Variants in TTLL5 observed in about 807,000 individuals in gnomAD.
TTLL5 encodes tubulin polyglutamylase TTLL5.
Under a neutral mutation model 168.4 loss-of-function variants are expected in TTLL5, and 132 were observed. That is an observed-to-expected ratio of 0.78 (90% CI 0.68 to 0.91). The LOEUF is 0.91. Among genes scored for constraint, TTLL5 ranks in the 40% least tolerant of loss-of-function variants. TTLL5 has a pLI of 0.00. For synonymous variants in TTLL5, 546 were observed against 558.6 expected, an observed-to-expected ratio of 0.98 and a Z score of 0.32; for missense variants, 1,545 against 1,581.5, an observed-to-expected ratio of 0.98 and a Z score of 0.39.
intron 29 of TTLL5, among the ~76,000 whole-genome samples, chr14:75,879,156 C>T (rs941936385): frequency 2.0e-5 from 3 of 152,152 alleles, no homozygotes; most frequent in East Asian, 3.8e-4. Flanking sequence ...AAAGTACACA[C>T]GTAAGTGGCT....
chr14:75,891,514 G>C (rs1480911818), intron 30 of TTLL5, among the ~76,000 whole-genome samples: 1 of 152,178 alleles, frequency 6.6e-6, no homozygotes, highest in Non-Finnish European at 1.5e-5. Flanking sequence ...AGACAGATCA[G>C]ATCTCTGCTT....
chr14:75,717,764 A>G, intron 9 of TTLL5, 97 bp from the exon 10 acceptor site: 1 of 1,151,428 alleles, frequency 8.7e-7, no homozygotes. Context: ...AGGTAATGAT[A>G]TTACCCTCCT....
chr14:75,682,478 T>C (rs1884695999), intron 4 of TTLL5, among the ~76,000 whole-genome samples: 1 of 152,142 alleles, frequency 6.6e-6, no homozygotes, highest in African/African-American at 2.4e-5. Flanking sequence ...CATTGTCCTT[T>C]TGTCTTTCCT....
intron 29 of TTLL5, among the ~76,000 whole-genome samples, chr14:75,875,420 G>A (rs373061887): frequency 6.0e-5 from 9 of 150,650 alleles, no homozygotes; most frequent in African/African-American, 1.9e-4. Context: ...GTGGTGGCAC[G>A]TGCCTGTAAT....
At position 75,926,129 on chromosome 14, in the gene TTLL5, T is replaced by C. The variant is rs1044293136; in HGVS notation, c.3823+23905T>C. Among the ~76,000 whole-genome samples the C allele has an allele frequency of 3.5e-4, 52 of 149,296 alleles. 1 individual carries two copies. Among genetic ancestry groups the C allele is most frequent in the African/African-American group, 1.2e-3 (47 of 39,788 alleles). ...GGGAGAGGGAGAACTTGTCTATGTA[T>C]TTTAAAGACTAGGATTGCAACCCCA... is the stretch of plus-strand genomic sequence containing the variant. On this transcript the variant is annotated intron_variant, in intron 31 of 31. Coordinates refer to ENST00000298832, the MANE Select transcript of TTLL5 (RefSeq NM_015072.5).
intron 9 of TTLL5, among the ~76,000 whole-genome samples, chr14:75,717,172 T>C (rs994489674): frequency 6.6e-6 from 1 of 152,088 alleles, no homozygotes; most frequent in Non-Finnish European, 1.5e-5. Context: ...TGGAGTGTAG[T>C]GGTGCGATCA....
intron 15 of TTLL5, among the ~76,000 whole-genome samples, chr14:75,739,504 C>T (rs996325705): frequency 1.3e-5 from 2 of 152,140 alleles, no homozygotes; most frequent in Admixed American, 6.5e-5. Flanking sequence ...TGCCCTTTTT[C>T]TGCCTTTTCC....
At chr14:75,928,342 C>CATATATAT (rs3034073) in intron 31 of TTLL5, among the ~76,000 whole-genome samples, 10,755 of 81,796 alleles carry the variant, frequency 0.13, 1,346 homozygotes, top group Non-Finnish European at 0.17. Flanking sequence ...ATGACAAAAA[C>CATATATAT]ATATATATAT....
intron 28 of TTLL5, among the ~76,000 whole-genome samples, chr14:75,843,129 G>GAAA (rs1180508225): frequency 6.6e-6 from 1 of 152,204 alleles, no homozygotes; most frequent in African/African-American, 2.4e-5. Flanking sequence ...GAAAGGAGTT[G>GAAA]AGAACCTCCT....
chr14:75,709,478 A>C, intron 9 of TTLL5: 1 of 384,408 alleles, frequency 2.6e-6, no homozygotes. Flanking sequence ...GGAACATTGG[A>C]GACTACCAAA....
chr14:75,797,036 T>A (rs2140359276), intron 27 of TTLL5, among the ~76,000 whole-genome samples: 1 of 152,334 alleles, frequency 6.6e-6, no homozygotes, highest in South Asian at 2.1e-4. Context: ...CAATATTGAT[T>A]CTACCCATCC....
intron 31 of TTLL5, among the ~76,000 whole-genome samples, chr14:75,946,252 A>C (rs1235250518): frequency 6.6e-6 from 1 of 152,242 alleles, no homozygotes; most frequent in Non-Finnish European, 1.5e-5. Flanking sequence ...CAAGGAGAGC[A>C]GATGTTCAAA....
At position 75,861,278 on chromosome 14, in the gene TTLL5, G is replaced by A. The variant is rs141926353; in HGVS notation, c.3327-2389G>A. Among the ~76,000 whole-genome samples the A allele has an allele frequency of 1.5e-3, 235 of 152,232 alleles. 1 individual carries two copies. The highest frequency in any genetic ancestry group is 5.2e-3 in the African/African-American group (218 of 41,552). ...AGAAAGCCGAAAGAATACAGTTCAC[G>A]GACTTACCCTTAACGAGAGATTTGG... On this transcript the variant is annotated intron_variant, in intron 28 of 31. Coordinates refer to ENST00000298832, the MANE Select transcript of TTLL5 (RefSeq NM_015072.5).
chr14:75,832,522 G>A (rs185118085), intron 28 of TTLL5, among the ~76,000 whole-genome samples: 1 of 152,182 alleles, frequency 6.6e-6, no homozygotes, highest in African/African-American at 2.4e-5. Context: ...ACCTGACTTG[G>A]GGCAAATCAT....
At chr14:75,800,197 G>T (rs1893214004) in intron 27 of TTLL5, among the ~76,000 whole-genome samples, 1 of 152,084 alleles carries the variant, frequency 6.6e-6, no homozygotes, top group South Asian at 2.1e-4. Flanking sequence ...GTTGGATTGG[G>T]TTAATCAAAA....
intron 27 of TTLL5, among the ~76,000 whole-genome samples, chr14:75,793,563 C>T (rs1427074077): frequency 6.6e-6 from 1 of 152,022 alleles, no homozygotes; most frequent in African/African-American, 2.4e-5. Context: ...TTTCATTATA[C>T]CCTTATCCAA....
At position 75,954,443 on chromosome 14, in the gene TTLL5, A is replaced by G. The variant is rs1028415471; in HGVS notation, c.3843A>G (p.Ile1281Met). The change falls in exon 32 of 32, where the codon ATA (isoleucine) becomes ATG (methionine). Residue 1281 changes from isoleucine (I) to methionine (M), a missense_variant. Transcript: ENST00000298832. ...TSSTDPAHTK[I>M] is the part of the protein sequence containing the mutation. ...TTTCAGATCCTGCTCACACTAAAATATGAACCACAAACACACAGAGAAACA... is the reference window on the plus strand; with the variant it reads ...TTTCAGATCCTGCTCACACTAAAATGTGAACCACAAACACACAGAGAAACA... 6.2e-7 allele frequency: 1 copy of G among 1,614,034 alleles called. No homozygotes were observed.
chr14:75,904,249 G>A (rs1324336614), intron 31 of TTLL5: 1 of 1,154,650 alleles, frequency 8.7e-7, no homozygotes, highest in Non-Finnish European at 1.1e-6. Context: ...GAACATGGTA[G>A]TTAACTATAT....
chr14:75,846,723 G>GCTTTCTTAAAGGTCATTCTTTGCTC (rs1566628948), intron 28 of TTLL5, among the ~76,000 whole-genome samples: 1 of 151,548 alleles, frequency 6.6e-6, no homozygotes, highest in African/African-American at 2.4e-5. Context: ...CTGGGAGGCG[G>GCTTTCTTAAAGGTCATTCTTTGCTC]AGGTTGCGGT....
Sources: allele counts gnomAD v4.1 joint callset (sites outside exome capture counted in the v4.1 genomes callset), GRCh38; gene constraint gnomAD v4.1.1; transcripts MANE v1.5; gene names NCBI Gene and HGNC (gene_info 2026-07-23, HGNC 2026-07-21).